The following ZNF91 variants were observed in gnomAD, a reference collection of about 807,000 sequenced individuals.
The protein encoded by ZNF91 is zinc finger protein 91.
A neutral mutation model predicts 12.6 loss-of-function variants in ZNF91; 7 were observed. That is an observed-to-expected ratio of 0.55 (90% confidence interval 0.31 to 1.04). ZNF91 has a LOEUF of 1.04. ZNF91 is among the 50% of genes least tolerant of loss of function. The pLI is 0.05. For missense variants in ZNF91, 1,217 were observed against 1,385.4 expected (o/e 0.88, Z 1.93); for synonymous variants, 453 against 462.6 (o/e 0.98, Z 0.27).
Position 23,360,443 on chromosome 19 carries a change from T to C in ZNF91, c.2536A>G (p.Ile846Val), listed in dbSNP as rs764228087. 1.9e-6 allele frequency: 3 copies of C among 1,614,008 alleles called. No homozygotes were observed. The South Asian group carries it at 3.3e-5, about 18-fold the overall frequency. Residue 846 changes from isoleucine (I) to valine (V), a missense_variant, in exon 4 of 4, where the codon ATA (isoleucine) becomes GTA (valine). Physicochemically the swap from Ile to Val is conservative, Grantham distance 29. This residue lies in a region of ZNF91 where 491 missense variants were observed against 489.8 expected (regional missense o/e 1.00). Transcript: ENST00000300619. ...KHSSALAKHK[I>V]IHAGEKLYKC... is the part of the protein sequence containing the mutation. ...TAGAGTTTCTCTCCAGCATGTATTA[T>C]TTTATGTTTAGCAAGGGCTGAGGAG...
At chr19:23,389,818 A>C (rs1260609493) in intron 1 of ZNF91, among the ~76,000 whole-genome samples, 2 of 152,222 alleles carry the variant, frequency 1.3e-5, no homozygotes, top group African/African-American at 4.8e-5. Flanking sequence ...ACCCAGAGTC[A>C]GCACAGACCT....
At chr19:23,367,971 G>A (rs1158900012) in intron 3 of ZNF91, among the ~76,000 whole-genome samples, 2 of 151,988 alleles carry the variant, frequency 1.3e-5, no homozygotes, top group Admixed American at 1.3e-4. Flanking sequence ...GTGCAGTGGC[G>A]CAGTCTCGGC....
intron 3 of ZNF91, among the ~76,000 whole-genome samples, chr19:23,348,488 C>T (rs1484634251): frequency 2.6e-5 from 4 of 152,168 alleles, no homozygotes; most frequent in African/African-American, 9.7e-5. Context: ...TTATAATTTC[C>T]TATGCCTGTC....
intron 1 of ZNF91, among the ~76,000 whole-genome samples, chr19:23,379,523 C>A (rs931089826): frequency 1.3e-5 from 2 of 152,064 alleles, no homozygotes; most frequent in Non-Finnish European, 2.9e-5. Flanking sequence ...AGACGGTTAC[C>A]GTAATTAGTT....
At chr19:23,344,200 T>C (rs1968175473) in intron 3 of ZNF91, among the ~76,000 whole-genome samples, 1 of 152,130 alleles carries the variant, frequency 6.6e-6, no homozygotes, top group Non-Finnish European at 1.5e-5. Context: ...GTTCACGCCA[T>C]TGTTCTACCT....
intron 1 of ZNF91, among the ~76,000 whole-genome samples, chr19:23,321,542 C>A (rs1471800441): frequency 3.3e-5 from 5 of 152,052 alleles, no homozygotes; most frequent in Non-Finnish European, 7.4e-5. Flanking sequence ...TCATGTGACA[C>A]TTCTCTTCTT....
At chr19:23,320,621 C>T (rs1014196989) in intron 1 of ZNF91, among the ~76,000 whole-genome samples, 7 of 152,196 alleles carry the variant, frequency 4.6e-5, no homozygotes, top group African/African-American at 1.7e-4. Flanking sequence ...ATGGGGGAAA[C>T]TGTCCCATGA....
intron 3 of ZNF91, among the ~76,000 whole-genome samples, chr19:23,368,422 G>A (rs541426511): frequency 1.3e-5 from 2 of 151,872 alleles, no homozygotes; most frequent in East Asian, 3.9e-4. Flanking sequence ...GGCTGAGGCA[G>A]AAGAATTGCT....
chr19:23,362,215 G>A lies in ZNF91; in HGVS notation c.764C>T (p.Thr255Ile). The A allele has an allele frequency of 6.2e-7, 1 of 1,607,520 alleles. No individual in the cohort carries two copies. Among genetic ancestry groups the A allele is most frequent in the Non-Finnish European group, 8.5e-7 (1 of 1,177,408 alleles). ...KAFKQLSTLT[T>I]HKIICAKEKI... ...CTCTTTAGCACAGATTATTTTATGTGTAGTAAGGGTTGAGAGCTGCTTAAA... is the reference window on the plus strand; with the variant it reads ...CTCTTTAGCACAGATTATTTTATGTATAGTAAGGGTTGAGAGCTGCTTAAA... Residue 255 changes from threonine (T) to isoleucine (I), a missense_variant, in exon 4 of 4, where the codon ACA becomes ATA. Thr to Ile is a moderately conservative substitution (Grantham distance 89). Around this residue, in one of 2 missense-constraint regions of ZNF91, gnomAD observed 726 missense variants for 895.5 expected, o/e 0.81. Coordinates refer to ENST00000300619, the MANE Select transcript of ZNF91 (RefSeq NM_003430.4).
chr19:23,368,550 C>A (rs867116024), intron 3 of ZNF91, among the ~76,000 whole-genome samples: 9,990 of 68,218 alleles, frequency 0.15, 759 homozygotes, highest in Middle Eastern at 0.2. Flanking sequence ...CTCTCTCTCT[C>A]TCTCTCTCTC....
intron 3 of ZNF91, among the ~76,000 whole-genome samples, chr19:23,305,713 A>G (rs1967388428): frequency 1.3e-5 from 2 of 152,228 alleles, no homozygotes; most frequent in South Asian, 2.1e-4. Flanking sequence ...GGTGGATTCA[A>G]TCAGCCAGTT....
At chr19:23,321,306 C>T (rs1967689705) in intron 1 of ZNF91, among the ~76,000 whole-genome samples, 1 of 152,162 alleles carries the variant, frequency 6.6e-6, no homozygotes, top group Non-Finnish European at 1.5e-5. Context: ...TGGCATATCG[C>T]TGGGACTTGC....
Position 23,358,279 on chromosome 19 carries a change from TTAAC to T in ZNF91, c.*1120_*1123del, listed in dbSNP as rs1363549440. On this transcript the variant is annotated 3_prime_UTR_variant, in exon 4 of 4. Transcript: ENST00000300619. ...AAAATACAATAAATCATACTAAACT[TTAAC>T]TAAAATTAAGAATGTTTTTCTTTCA... The T allele has an allele frequency of 3.9e-5, 6 of 152,156 alleles. No individual in the cohort carries two copies. The highest frequency in any genetic ancestry group is 6.5e-5 in the Admixed American group (1 of 15,272). The allele number at this position is 152,156 out of a possible 1,614,324, so 9.4% of individuals were successfully genotyped here.
At chr19:23,382,647 A>T (rs1459156010) in intron 1 of ZNF91, among the ~76,000 whole-genome samples, 1 of 152,196 alleles carries the variant, frequency 6.6e-6, no homozygotes, top group African/African-American at 2.4e-5. Context: ...GAAATTCAAA[A>T]ATCTCAAAAT....
intron 1 of ZNF91, among the ~76,000 whole-genome samples, chr19:23,388,764 C>T (rs1969962095): frequency 6.6e-6 from 1 of 152,044 alleles, no homozygotes; most frequent in South Asian, 2.1e-4. Context: ...TCCCAAGCTA[C>T]TTGGGAGGCT....
At chr19:23,383,641 T>C (rs917429141) in intron 1 of ZNF91, among the ~76,000 whole-genome samples, 4 of 151,684 alleles carry the variant, frequency 2.6e-5, no homozygotes, top group Admixed American at 2.6e-4. Context: ...TTGGCCAAGA[T>C]TGTGCCCCTG....
chr19:23,354,251 C>A (rs901454321), downstream of ZNF91, among the ~76,000 whole-genome samples: 4 of 151,956 alleles, frequency 2.6e-5, no homozygotes, highest in African/African-American at 7.3e-5. Context: ...AACAACATGT[C>A]GAAAAGATAA....
At chr19:23,344,665 T>C (rs1355587349) in intron 3 of ZNF91, among the ~76,000 whole-genome samples, 1 of 152,166 alleles carries the variant, frequency 6.6e-6, no homozygotes, top group East Asian at 1.9e-4. Context: ...ACCTAAACGG[T>C]GCACTTTTCT....
chr19:23,343,756 A>C (rs978123848), intron 3 of ZNF91, among the ~76,000 whole-genome samples: 1 of 152,202 alleles, frequency 6.6e-6, no homozygotes, highest in Non-Finnish European at 1.5e-5. Flanking sequence ...TAATAAAGCC[A>C]TATCAAAACT....
Sources: gnomAD v4.1 joint callset for allele counts (sites outside exome capture counted in the v4.1 genomes callset) on GRCh38, gnomAD v4.1.1 for gene constraint, gnomAD v4.1.1 regional missense constraint, MANE v1.5 for transcripts, NCBI Gene and HGNC (gene_info 2026-07-23, HGNC 2026-07-21) for gene names.